The following KLK4 variants were observed in gnomAD, a reference collection of about 807,000 sequenced individuals.
KLK4 encodes kallikrein-4.
In KLK4, 24 loss-of-function variants were observed where a neutral mutation model predicts 24.3. The observed-to-expected ratio is 0.99, with a 90% confidence interval of 0.72 to 1.39. The LOEUF is 1.39. Among genes scored for constraint, KLK4 ranks in the 40% most tolerant of loss-of-function variants. The pLI, the probability that KLK4 is intolerant of heterozygous loss-of-function variation, is 0.00. For missense variants in KLK4, 344 were observed against 327.4 expected (o/e 1.05, Z -0.39); for synonymous variants, 142 against 138.8 (o/e 1.02, Z -0.16).
intron 5 of KLK4, 140 bp from the exon 6 acceptor site, chr19:50,907,226 T>G: frequency 1.1e-6 from 1 of 871,250 alleles, no homozygotes; most frequent in Non-Finnish European, 1.9e-6. Flanking sequence ...ACATATCTGT[T>G]GGAAGTCCCA....
rs753991132 is a variant in KLK4 at position 50,908,656 on chromosome 19, C to T, written c.398G>A (p.Arg133Gln). ...GCACTGCGAAGCAATGCTGATGCTC[C>T]GGATGGTGTCAGACTCGGACACGGA... The change falls in exon 4 of 6, where the codon CGG becomes CAG. Residue 133 changes from arginine (R) to glutamine (Q), a missense_variant. Coordinates refer to ENST00000324041, the Ensembl canonical transcript of KLK4. 8.1e-6 allele frequency: 13 copies of T among 1,614,076 alleles called. No homozygotes were observed. The East Asian group carries it at 1.3e-4, about 17-fold the overall frequency.
chr19:50,909,000 GA>G, intron 3 of KLK4, 171 bp from the exon 4 acceptor site: 1 of 1,495,794 alleles, frequency 6.7e-7, no homozygotes, highest in Non-Finnish European at 8.9e-7. Flanking sequence ...AAAATTCAGG[GA>G]CAAGAACTTG....
At position 50,910,395 on chromosome 19, in the gene KLK4, C is replaced by G. The variant is rs2090477698; in HGVS notation, c.61+283G>C. Among the ~76,000 whole-genome samples the G allele has an allele frequency of 6.6e-6, 1 of 152,044 alleles. No individual in the cohort carries two copies. Among genetic ancestry groups the G allele is most frequent in the South Asian group, 2.1e-4 (1 of 4,816 alleles). ...ACAATCTCCTGCACCCTCGGCTTCC[C>G]CTGTCCCCATATCATCATTACACTG... is the stretch of plus-strand genomic sequence containing the variant. On this transcript the variant is annotated intron_variant, in intron 2 of 5. Coordinates refer to ENST00000324041, the Ensembl canonical transcript of KLK4. The surrounding 1 kb of genome is among the most constrained non-coding windows in gnomAD (Gnocchi z 4.4).
At chr19:50,908,606 C>T (rs970897746) in exon 4 of KLK4, 12 of 1,614,200 alleles carry the variant, frequency 7.4e-6, no homozygotes, top group South Asian at 1.1e-5. Flanking sequence ...CAGCCAGAAA[C>T]GAGGCAAGAG....
At chr19:50,906,507 G>A (rs1139132) in exon 6 of KLK4, 2 of 239,906 alleles carry the variant, frequency 8.3e-6, no homozygotes, top group Non-Finnish European at 1.6e-5. Flanking sequence ...GAGGGGCTGG[G>A]ACCTGGACCT....
chr19:50,909,250 A>T lies in KLK4; in HGVS notation c.224+2T>A, dbSNP rs201555681. 6.2e-7 allele frequency: 1 copy of T among 1,613,442 alleles called. No homozygotes were observed. The highest frequency in any genetic ancestry group is 2.2e-5 in the East Asian group (1 of 44,856). On this transcript the variant is annotated splice_donor_variant, in intron 3 of 5. Coordinates refer to ENST00000324041, the Ensembl canonical transcript of KLK4. LOFTEE classifies it high-confidence loss of function. ...GCCCACTCCCCCTACCTCTGCACTC[A>T]CTTCTGGAAACAGTGTGCGGCTGAC...
chr19:50,908,310 T>G (rs1222163526), intron 5 of KLK4, 49 bp downstream of exon 5: 1 of 1,605,818 alleles, frequency 6.2e-7, no homozygotes, highest in Non-Finnish European at 8.5e-7. Context: ...TGTCTCCCCC[T>G]TCTCCACCCT....
rs112486208 is a variant in KLK4, at chr19:50,910,700, C to A, written c.39G>T (p.Gly13=). The change falls in exon 2 of 6, where the codon GGG becomes GGT. Residue 13 remains glycine (G), a synonymous_variant. Transcript: ENST00000324041. This position sits in a 1 kb window ranked among gnomAD's most constrained non-coding sequence, Gnocchi z 4.4. Reference sequence around the variant, plus strand: ...TACCTGCGACACCAAGGATGAGGTACCCCAGGAACCAGCCCCAGGGATTTC... The same window carrying A: ...TACCTGCGACACCAAGGATGAGGTAACCCAGGAACCAGCCCCAGGGATTTC... The A allele has an allele frequency of 2.7e-4, 417 of 1,555,804 alleles. No individual in the cohort carries two copies. Among genetic ancestry groups the A allele is most frequent in the African/African-American group, 1.8e-3 (132 of 73,482 alleles).
chr19:50,908,017 A>G (rs2090448875), intron 5 of KLK4: 1 of 419,018 alleles, frequency 2.4e-6, no homozygotes, highest in African/African-American at 2.0e-5. Flanking sequence ...CCCCGTCAAC[A>G]GTAGGCTATT....
exon 5 of KLK4, chr19:50,908,464 G>A (rs769939997): frequency 3.1e-6 from 5 of 1,614,166 alleles, no homozygotes; most frequent in Admixed American, 1.7e-5. Flanking sequence ...CCACCGACAC[G>A]TTCACGCACT....
chr19:50,906,508 A>AGG (rs1471767048), exon 6 of KLK4: 1 of 252,988 alleles, frequency 4.0e-6, no homozygotes, highest in Non-Finnish European at 7.2e-6. Flanking sequence ...AGGGGCTGGG[A>AGG]CCTGGACCTC....
rs370294800 is a variant in KLK4 at position 50,910,653 on chromosome 19, G to T, written c.61+25C>A. 5.8e-6 allele frequency: 9 copies of T among 1,549,642 alleles called. No individual in the cohort carries two copies. The highest frequency in any genetic ancestry group is 7.9e-6 in the Non-Finnish European group (9 of 1,144,550). Reference sequence around the variant, plus strand: ...AACACTGTGCCCCCAAGCACGGACAGACACACACACGCATACTCAGATACC... The same window carrying T: ...AACACTGTGCCCCCAAGCACGGACATACACACACACGCATACTCAGATACC... On this transcript the variant is annotated intron_variant, in intron 2 of 5. Coordinates refer to ENST00000324041, the Ensembl canonical transcript of KLK4. This position sits in a 1 kb window ranked among gnomAD's most constrained non-coding sequence, Gnocchi z 4.4.
chr19:50,909,190 C>A, intron 3 of KLK4, 62 bp downstream of exon 3: 1 of 1,613,066 alleles, frequency 6.2e-7, no homozygotes, highest in Non-Finnish European at 8.5e-7. Context: ...CCAAGATGAG[C>A]CTGATATTAG....
chr19:50,907,730 T>C (rs889356476), intron 5 of KLK4, among the ~76,000 whole-genome samples: 6 of 152,170 alleles, frequency 3.9e-5, no homozygotes, highest in African/African-American at 7.2e-5. Flanking sequence ...TGATTTTTCC[T>C]GTTTCTCTTC....
rs530588735 is a variant in KLK4 at position 50,910,809 on chromosome 19, C to T, written c.-11-60G>A. ...GGATCTTCAGCCCAAGTCTCTCCAT[C>T]CCTCTCTTTGTCCCTCCCTTTCTTC... is the stretch of plus-strand genomic sequence containing the variant. On this transcript the variant is annotated intron_variant, in intron 1 of 5. Coordinates refer to ENST00000324041, the Ensembl canonical transcript of KLK4. This position sits in a 1 kb window ranked among gnomAD's most constrained non-coding sequence, Gnocchi z 4.4. 6.1e-5 allele frequency: 85 copies of T among 1,401,254 alleles called. No individual in the cohort carries two copies. In the South Asian group the frequency reaches 9.3e-4, roughly 15 times the overall value. 86.8% of individuals were successfully genotyped at this position (1,401,254 alleles called of 1,614,324 possible). A position where few individuals can be genotyped will look rare whatever the true frequency, so the allele number is the denominator to read the frequency against.
rs2051405316 is a variant in KLK4, at chr19:50,907,076, CCA to C, written c.621_622del (p.Gly209AlafsTer36). On this transcript the variant is annotated frameshift_variant, in exon 6 of 6. Coordinates refer to ENST00000324041, the Ensembl canonical transcript of KLK4. LOFTEE classifies it low-confidence loss of function (END_TRUNC). ...GTACCCGTTGCAGATCAGGGGCCCC[CCA>C]GAGTCACCCTGTTGTGAAGAGAGGG... is the stretch of plus-strand genomic sequence containing the variant. 6.8e-6 allele frequency: 11 copies of C among 1,614,068 alleles called. No individual in the cohort carries two copies. Among genetic ancestry groups the C allele is most frequent in the Non-Finnish European group, 9.3e-6 (11 of 1,180,024 alleles).
In KLK4 at chr19:50,910,399, T is replaced by G. The variant is rs974094086; in HGVS notation, c.61+279A>C. Among the ~76,000 whole-genome samples the G allele has an allele frequency of 3.3e-5, 5 of 151,888 alleles. No individual in the cohort carries two copies. The highest frequency in any genetic ancestry group is 1.2e-4 in the African/African-American group (5 of 41,322). ...TCTCCTGCACCCTCGGCTTCCCCTG[T>G]CCCCATATCATCATTACACTGTTGT... On this transcript the variant is annotated intron_variant, in intron 2 of 5. Transcript: ENST00000324041. This position sits in a 1 kb window ranked among gnomAD's most constrained non-coding sequence, Gnocchi z 4.4.
intron 2 of KLK4, among the ~76,000 whole-genome samples, chr19:50,909,722 G>C (rs546329151): frequency 9.2e-5 from 14 of 151,850 alleles, no homozygotes; most frequent in Non-Finnish European, 1.6e-4. Flanking sequence ...GGTCATGATC[G>C]GAGCTTCAGG....
At chr19:50,909,748 T>G (rs2090470667) in intron 2 of KLK4, among the ~76,000 whole-genome samples, 1 of 150,270 alleles carries the variant, frequency 6.7e-6, no homozygotes, top group Non-Finnish European at 1.5e-5. Context: ...GTCCAGGATA[T>G]AGGCCTAGGG....
Sources: gnomAD v4.1 joint callset for allele counts (sites outside exome capture counted in the v4.1 genomes callset) on GRCh38, gnomAD v4.1.1 for gene constraint, Gnocchi (gnomAD v3.1) non-coding constraint, MANE v1.5 for transcripts, NCBI Gene and HGNC (gene_info 2026-07-23, HGNC 2026-07-21) for gene names.